Variants in INTS7 observed in about 807,000 individuals in gnomAD.
INTS7 encodes integrator complex subunit 7.
INTS7 carries 46 observed loss-of-function variants against 109.2 expected under a neutral mutation model. The ratio of observed to expected loss-of-function variants is 0.42; its 90% CI spans 0.33 to 0.54. INTS7 has a LOEUF of 0.54. INTS7 is among the 20% of genes least tolerant of loss of function. The pLI, the probability that INTS7 is intolerant of heterozygous loss-of-function variation, is 0.07. For missense variants in INTS7, 929 were observed against 1,132.4 expected, an observed-to-expected ratio of 0.82 and a Z score of 2.58; for synonymous variants, 412 against 402.9, an observed-to-expected ratio of 1.02 and a Z score of -0.27.
chr1:212,028,235 C>A (rs891376183), intron 1 of INTS7, among the ~76,000 whole-genome samples: 1 of 152,186 alleles, frequency 6.6e-6, no homozygotes, highest in Non-Finnish European at 1.5e-5. Flanking sequence ...GAATTTGGTC[C>A]TCAGAATGCT....
intron 16 of INTS7, among the ~76,000 whole-genome samples, chr1:211,963,612 G>A (rs1318262231): frequency 1.3e-5 from 2 of 152,004 alleles, no homozygotes; most frequent in Non-Finnish European, 2.9e-5. Context: ...ACTGAACCCA[G>A]CAACAAATCA....
chr1:211,984,463 C>T (rs1664805213), intron 8 of INTS7, among the ~76,000 whole-genome samples: 1 of 152,052 alleles, frequency 6.6e-6, no homozygotes, highest in South Asian at 2.1e-4. Flanking sequence ...AAATCTTTTT[C>T]CCCCTATGTA....
intron 1 of INTS7, among the ~76,000 whole-genome samples, chr1:212,027,178 A>G (rs961220749): frequency 4.6e-5 from 7 of 152,200 alleles, no homozygotes; most frequent in African/African-American, 1.7e-4. Flanking sequence ...AAGGTGAAAA[A>G]GAAGGAAAAA....
chr1:211,945,769 T>G (rs1662821959), intron 18 of INTS7, among the ~76,000 whole-genome samples: 1 of 152,250 alleles, frequency 6.6e-6, no homozygotes, highest in African/African-American at 2.4e-5. Flanking sequence ...AGTGACAATT[T>G]TCTCCCTTTT....
chr1:211,960,453 C>T (rs1474621460), intron 16 of INTS7, among the ~76,000 whole-genome samples: 2 of 152,044 alleles, frequency 1.3e-5, no homozygotes, highest in Non-Finnish European at 2.9e-5. Flanking sequence ...CTGAACTGGG[C>T]TGAAATGGCT....
At chr1:211,956,245 C>G (rs1174272639) in intron 16 of INTS7, among the ~76,000 whole-genome samples, 1 of 152,190 alleles carries the variant, frequency 6.6e-6, no homozygotes, top group East Asian at 1.9e-4. Flanking sequence ...TAATCCTACC[C>G]TTAAACCATC....
At chr1:212,007,738 C>G (rs747381975) in intron 5 of INTS7, among the ~76,000 whole-genome samples, 8 of 152,156 alleles carry the variant, frequency 5.3e-5, no homozygotes, top group Non-Finnish European at 8.8e-5. Context: ...TATTTCCTCT[C>G]ATTGTCATAG....
At position 212,000,170 on chromosome 1, in the gene INTS7, TA is replaced by T. The variant is rs537284004; in HGVS notation, c.879+6468del. ...GGGATATAAACACAAATGTACAAGA[TA>T]AAAAAAATTTTTAAATCAAAGCTAT... On this transcript the variant is annotated intron_variant, in intron 7 of 19. Transcript: ENST00000366994. Among the ~76,000 whole-genome samples the T allele has an allele frequency of 5.2e-3, 793 of 152,090 alleles. 10 individuals carry two copies. The highest frequency in any genetic ancestry group is 0.018 in the African/African-American group (767 of 41,492).
Position 211,944,919 on chromosome 1 carries a change from C to G in INTS7, c.2466G>C (p.Gln822His), listed in dbSNP as rs755949517. ...CCTTTAGCGCCAGCTGCTGGTTATTCTGGACAGCAATGGGCTCTGCAGGAT... is the reference window on the plus strand; with the variant it reads ...CCTTTAGCGCCAGCTGCTGGTTATTGTGGACAGCAATGGGCTCTGCAGGAT... ...PRNPAEPIAV[Q>H]NNQQLALKVE... The change falls in exon 19 of 20, where the codon CAG becomes CAC. Residue 822 changes from glutamine to histidine, a missense_variant. Transcript: ENST00000366994. 6 of 1,614,088 alleles carry G rather than the reference C, an allele frequency of 3.7e-6. No individual in the cohort carries two copies. In the East Asian group the frequency reaches 1.1e-4, roughly 30 times the overall value.
intron 1 of INTS7, among the ~76,000 whole-genome samples, chr1:212,025,351 G>A (rs1344847402): frequency 1.3e-5 from 2 of 152,010 alleles, no homozygotes; most frequent in Non-Finnish European, 2.9e-5. Flanking sequence ...GACTGCACAG[G>A]GGCATGAGGA....
At chr1:212,014,969 T>C (rs1666344953) in intron 4 of INTS7, among the ~76,000 whole-genome samples, 1 of 152,020 alleles carries the variant, frequency 6.6e-6, no homozygotes, top group South Asian at 2.1e-4. Flanking sequence ...GTCTGGGAAG[T>C]GAGGAGCGTC....
chr1:211,991,044 G>C (rs899503900), intron 7 of INTS7, among the ~76,000 whole-genome samples: 2 of 152,202 alleles, frequency 1.3e-5, no homozygotes, highest in Non-Finnish European at 2.9e-5. Context: ...AGCAGGAATG[G>C]AGACTAGTGA....
chr1:212,016,470 T>C (rs1408134501), intron 4 of INTS7, among the ~76,000 whole-genome samples: 1 of 152,226 alleles, frequency 6.6e-6, no homozygotes, highest in African/African-American at 2.4e-5. Context: ...AAAATTGGTT[T>C]TAATTCAAGT....
At chr1:211,966,688 C>G (rs1663896269) in intron 15 of INTS7, among the ~76,000 whole-genome samples, 190 bp from the exon 16 acceptor site, 1 of 152,162 alleles carries the variant, frequency 6.6e-6, no homozygotes, top group Admixed American at 6.5e-5. Context: ...TAGTGATCCT[C>G]AGACTCTGTT....
rs762877019 is a variant in INTS7 at position 211,952,700 on chromosome 1, A to C, written c.2185T>G (p.Phe729Val). Residue 729 changes from phenylalanine to valine, a missense_variant and splice_region_variant, in exon 17 of 20, where the codon TTC becomes GTC. Phe to Val is a conservative substitution (Grantham distance 50, BLOSUM62 -1). Transcript: ENST00000366994. ...GTTCCAGTAGATCCATATTCCTGGAAACTGAAGTAAAGGTCAATATTCATT... is the reference window on the plus strand; with the variant it reads ...GTTCCAGTAGATCCATATTCCTGGACACTGAAGTAAAGGTCAATATTCATT... Reference protein sequence around the residue: ...ALILDPESASFQEYGSTGTAH... With the variant: ...ALILDPESASVQEYGSTGTAH... 6.2e-7 allele frequency: 1 copy of C among 1,611,848 alleles called. No individual in the cohort carries two copies. The highest frequency in any genetic ancestry group is 8.5e-7 in the Non-Finnish European group (1 of 1,178,730).
At chr1:212,025,266 T>C (rs1414985808) in intron 1 of INTS7, among the ~76,000 whole-genome samples, 1 of 152,154 alleles carries the variant, frequency 6.6e-6, no homozygotes, top group Non-Finnish European at 1.5e-5. Flanking sequence ...CTATTTTATA[T>C]GACATTATGG....
chr1:212,003,824 G>A (rs568577132), intron 7 of INTS7, among the ~76,000 whole-genome samples: 1 of 152,128 alleles, frequency 6.6e-6, no homozygotes, highest in East Asian at 1.9e-4. Context: ...TAACAAGACT[G>A]TATACTTCCA....
At chr1:212,008,582 A>C (rs541389062) in intron 5 of INTS7, among the ~76,000 whole-genome samples, 21 of 152,096 alleles carry the variant, frequency 1.4e-4, no homozygotes, top group Admixed American at 3.9e-4. Context: ...GCTGCCACCC[A>C]TCCGTCCTCC....
rs902855740 is a variant in INTS7 at position 211,995,934 on chromosome 1, T to G, written c.880-7931A>C. On this transcript the variant is annotated intron_variant, in intron 7 of 19. Coordinates refer to ENST00000366994, the MANE Select transcript of INTS7 (RefSeq NM_015434.4). ...AGCTTCCAGAAATGTCCGAAATAAA[T>G]TTGTGTTATTTGTAAGCAACACAGG... Among the ~76,000 whole-genome samples the G allele has an allele frequency of 4.6e-5, 7 of 152,196 alleles. 1 individual carries two copies. The highest frequency in any genetic ancestry group is 1.3e-4 in the Admixed American group (2 of 15,282).
Sources: allele counts gnomAD v4.1 joint callset (sites outside exome capture counted in the v4.1 genomes callset), GRCh38; gene constraint gnomAD v4.1.1; transcripts MANE v1.5; gene names NCBI Gene and HGNC (gene_info 2026-07-23, HGNC 2026-07-21).